The following FOCAD variants were observed in gnomAD, a reference collection of about 807,000 sequenced individuals.
FOCAD encodes the protein focadhesin, also known as KIAA1797.
FOCAD carries 198 observed loss-of-function variants against 225.6 expected under a neutral mutation model. That is an observed-to-expected ratio of 0.88 (90% CI 0.78 to 0.99). The LOEUF is 0.99. FOCAD is among the 50% of genes least tolerant of loss of function. The pLI is 0.00. For synonymous variants in FOCAD, 897 were observed against 755.0 expected, an observed-to-expected ratio of 1.19 and a Z score of -3.08; for missense variants, 2,713 against 2,123.6, an observed-to-expected ratio of 1.28 and a Z score of -5.46.
At chr9:20,795,571 G>T (rs1820974552) in intron 11 of FOCAD, among the ~76,000 whole-genome samples, 1 of 151,998 alleles carries the variant, frequency 6.6e-6, no homozygotes, top group Non-Finnish European at 1.5e-5. Context: ...GGATCACGAG[G>T]TCAGGAGATT....
Position 20,820,438 on chromosome 9 carries a change from A to AT in FOCAD, c.1662+14dup, listed in dbSNP as rs755185064. 6.3e-7 allele frequency: 1 copy of AT among 1,591,260 alleles called. No homozygotes were observed. The highest frequency in any genetic ancestry group is 8.6e-7 in the Non-Finnish European group (1 of 1,160,120). On this transcript the variant is annotated intron_variant, in intron 13 of 43. Transcript: ENST00000338382. ...GTGGGAAAAGCAGGTAATTTCAGATATACACTTGCATGAGTATTAAATATG... is the reference window on the plus strand; with the variant it reads ...GTGGGAAAAGCAGGTAATTTCAGATATTACACTTGCATGAGTATTAAATATG...
intron 35 of FOCAD, among the ~76,000 whole-genome samples, chr9:20,965,853 AG>A (rs1275502445): frequency 1.3e-5 from 2 of 152,122 alleles, no homozygotes; most frequent in South Asian, 2.1e-4. Flanking sequence ...CATTGTAGCA[AG>A]TATCAGTACT....
At chr9:20,812,536 GT>G (rs1823202573) in intron 11 of FOCAD, among the ~76,000 whole-genome samples, 1 of 151,894 alleles carries the variant, frequency 6.6e-6, no homozygotes, top group Admixed American at 6.6e-5. Context: ...TTTGTACTCT[GT>G]TTTTTATATG....
At position 20,936,348 on chromosome 9, in the gene FOCAD, G is replaced by A. The variant is rs141487847; in HGVS notation, c.3407+3245G>A. ...CTTGTTAGTTTCAGACTAACAAAAG[G>A]GTAAATGATATGGTAGTGGTAGCTG... On this transcript the variant is annotated intron_variant, in intron 28 of 43. Coordinates refer to ENST00000338382, the MANE Select transcript of FOCAD (RefSeq NM_001375567.1). 2.2e-3 allele frequency among the ~76,000 whole-genome samples: 333 copies of A among 152,246 alleles called. 3 individuals carry two copies. Among genetic ancestry groups the A allele is most frequent in the African/African-American group, 7.3e-3 (305 of 41,538 alleles).
At chr9:20,683,008 G>A (rs1822449324), upstream of FOCAD, among the ~76,000 whole-genome samples, 1 of 152,008 alleles carries the variant, frequency 6.6e-6, no homozygotes, top group Non-Finnish European at 1.5e-5. Flanking sequence ...CTTGAACTCC[G>A]CCCTCCTCGG....
intron 25 of FOCAD, among the ~76,000 whole-genome samples, chr9:20,924,471 T>A (rs778572765): frequency 6.6e-6 from 1 of 152,186 alleles, no homozygotes. Context: ...ATCTGTAAAA[T>A]GGAGGGATAA....
chr9:20,926,684 G>C (rs1834980645), intron 26 of FOCAD, among the ~76,000 whole-genome samples: 1 of 151,760 alleles, frequency 6.6e-6, no homozygotes, highest in Admixed American at 6.6e-5. Flanking sequence ...TCAGGAGGCT[G>C]AGGCAGGAGA....
chr9:20,786,454 C>G (rs1011268195), intron 10 of FOCAD, among the ~76,000 whole-genome samples: 32 of 152,238 alleles, frequency 2.1e-4, no homozygotes, highest in Admixed American at 1.8e-3. Flanking sequence ...TGATATAGTG[C>G]TAGAAAGGCT....
At chr9:20,686,043 T>G (rs1156782073) in intron 1 of FOCAD, among the ~76,000 whole-genome samples, 1 of 152,266 alleles carries the variant, frequency 6.6e-6, no homozygotes, top group Non-Finnish European at 1.5e-5. Flanking sequence ...TATTCTTAGC[T>G]TCATGATACT....
At position 20,912,889 on chromosome 9, in the gene FOCAD, G is replaced by A; in HGVS notation, c.2742G>A (p.Leu914=). ...ILQGRLGELE[L]QLKHGKEEPE... ...AGGGAAGACTAGGAGAGCTGGAGTT[G>A]CAGTTAAAACATGGAAAAGAAGAAC... Residue 914 remains leucine, a synonymous_variant, in exon 23 of 44, where the codon TTG becomes TTA. Coordinates refer to ENST00000338382, the MANE Select transcript of FOCAD (RefSeq NM_001375567.1). 6.2e-7 allele frequency: 1 copy of A among 1,613,326 alleles called. No individual in the cohort carries two copies. Among genetic ancestry groups the A allele is most frequent in the East Asian group, 2.2e-5 (1 of 44,848 alleles).
intron 4 of FOCAD, among the ~76,000 whole-genome samples, chr9:20,737,003 G>A (rs1019028630): frequency 6.6e-6 from 1 of 151,908 alleles, no homozygotes; most frequent in South Asian, 2.1e-4. Context: ...TTAAATTTAA[G>A]GCAAATGTAT....
At chr9:20,710,604 A>G (rs1374087259) in intron 1 of FOCAD, among the ~76,000 whole-genome samples, 1 of 152,032 alleles carries the variant, frequency 6.6e-6, no homozygotes, top group Non-Finnish European at 1.5e-5. Flanking sequence ...CTCAAAAAAA[A>G]AAAATAATAA....
chr9:20,818,818 T>C (rs562731957), intron 11 of FOCAD, among the ~76,000 whole-genome samples: 5 of 152,246 alleles, frequency 3.3e-5, no homozygotes, highest in Admixed American at 1.3e-4. Flanking sequence ...TCAAACTTTG[T>C]TTTTCTTTTT....
chr9:20,734,096 C>T (rs1826937123), intron 4 of FOCAD, among the ~76,000 whole-genome samples: 1 of 152,192 alleles, frequency 6.6e-6, no homozygotes, highest in South Asian at 2.1e-4. Context: ...AAAAGTTGTG[C>T]AAACAGTGGA....
chr9:20,868,329 A>G (rs7467003), intron 18 of FOCAD, among the ~76,000 whole-genome samples: 128,802 of 152,066 alleles, frequency 0.85, 54,743 homozygotes, highest in Admixed American at 0.91. Flanking sequence ...TTTACCTTTC[A>G]TTCCTAAAAT....
chr9:20,668,805 A>G (rs1821970729), intron 2 of FOCAD, among the ~76,000 whole-genome samples: 2 of 152,234 alleles, frequency 1.3e-5, no homozygotes, highest in Admixed American at 1.3e-4. Flanking sequence ...AGCAAAGCTC[A>G]AAAGTAACAA....
At chr9:20,799,810 C>G (rs553495630) in intron 11 of FOCAD, among the ~76,000 whole-genome samples, 66 of 152,090 alleles carry the variant, frequency 4.3e-4, no homozygotes, top group African/African-American at 1.3e-3. Context: ...CAATTTGCCA[C>G]TCTGTGTCTT....
At chr9:20,729,407 A>G (rs984204784) in intron 4 of FOCAD, among the ~76,000 whole-genome samples, 1 of 152,116 alleles carries the variant, frequency 6.6e-6, no homozygotes, top group African/African-American at 2.4e-5. Flanking sequence ...TACTTTCTCT[A>G]TAAGGATACC....
intron 15 of FOCAD, among the ~76,000 whole-genome samples, chr9:20,824,333 G>C (rs890297075): frequency 6.6e-6 from 1 of 151,986 alleles, no homozygotes; most frequent in South Asian, 2.1e-4. Context: ...ACCAAAAGGT[G>C]ACCATTTTTA....
Sources: allele counts gnomAD v4.1 joint callset (sites outside exome capture counted in the v4.1 genomes callset), GRCh38; gene constraint gnomAD v4.1.1; transcripts MANE v1.5; gene names NCBI Gene and HGNC (gene_info 2026-07-23, HGNC 2026-07-21).